EXD3: variants seen among roughly 807,000 people sequenced by gnomAD.
EXD3 encodes exonuclease mut-7 homolog.
In EXD3, 92 loss-of-function variants were observed where a neutral mutation model predicts 98.0. That is an observed-to-expected ratio of 0.94 (90% CI 0.79 to 1.12). The LOEUF (loss-of-function observed/expected upper bound fraction) is 1.12, where lower values mean the gene tolerates loss of function less well. EXD3 is among the 50% of genes most tolerant of loss of function. EXD3 has a pLI of 0.00. For missense variants in EXD3, 1,222 were observed against 1,191.6 expected, an observed-to-expected ratio of 1.03 and a Z score of -0.38; for synonymous variants, 569 against 526.0, an observed-to-expected ratio of 1.08 and a Z score of -1.12.
At chr9:137,380,938 A>G (rs576146617) in intron 3 of EXD3, among the ~76,000 whole-genome samples, 3 of 150,364 alleles carry the variant, frequency 2.0e-5, no homozygotes, top group South Asian at 2.1e-4. Context: ...TGTCTCTACT[A>G]AAAATACAAA....
chr9:137,371,772 C>G lies in EXD3; in HGVS notation c.462+1133G>C. Among the ~76,000 whole-genome samples the G allele has an allele frequency of 6.6e-6, 1 of 151,860 alleles. No individual in the cohort carries two copies. Among genetic ancestry groups the G allele is most frequent in the East Asian group, 1.9e-4 (1 of 5,154 alleles). ...CACCCCCAAGCAGGACATCCCCTGG[C>G]AGGACACCCCCGGGCTTCTTTGCCG... On this transcript the variant is annotated intron_variant, in intron 5 of 21. Transcript: ENST00000340951. This position sits in a 1 kb window ranked among gnomAD's most constrained non-coding sequence, Gnocchi z 8.0.
intron 17 of EXD3, among the ~76,000 whole-genome samples, chr9:137,338,469 A>T: frequency 6.6e-6 from 1 of 152,170 alleles, no homozygotes; most frequent in African/African-American, 2.4e-5. Context: ...AAGCAACGCC[A>T]CTTGGAAACA....
intron 2 of EXD3, among the ~76,000 whole-genome samples, chr9:137,390,607 G>A (rs897552760): frequency 6.6e-6 from 1 of 152,212 alleles, no homozygotes; most frequent in Non-Finnish European, 1.5e-5. Flanking sequence ...TAGGCAGCGT[G>A]GCCCGGTCAC....
chr9:137,418,338 G>A lies in EXD3; in HGVS notation c.-48+4776C>T, dbSNP rs550773911. On this transcript the variant is annotated intron_variant, in intron 1 of 21. Transcript: ENST00000340951. ...GCACTCCAGCCTGGGCGACAAGAGC[G>A]AGACTCTGTCTCAAAAAACAAACAA... 3.3e-5 allele frequency among the ~76,000 whole-genome samples: 5 copies of A among 152,324 alleles called. No homozygotes were observed. In the East Asian group the frequency reaches 5.8e-4, roughly 18 times the overall value.
At chr9:137,414,205 C>G (rs1838136216) in intron 1 of EXD3, among the ~76,000 whole-genome samples, 2 of 152,236 alleles carry the variant, frequency 1.3e-5, no homozygotes, top group African/African-American at 4.8e-5. Context: ...GCGTGAGCCA[C>G]CGCGCCCGGC....
rs1203135401 is a variant in EXD3, at chr9:137,360,483, T to C, written c.657-4115A>G. ...TTCTTCTTTTTTTTTTTTTTTGAGATGGAGTCTCGCTGTGTCACCCAGGCT... is the reference window on the plus strand; with the variant it reads ...TTCTTCTTTTTTTTTTTTTTTGAGACGGAGTCTCGCTGTGTCACCCAGGCT... On this transcript the variant is annotated intron_variant, in intron 7 of 21. Transcript: ENST00000340951. Among the ~76,000 whole-genome samples the C allele has an allele frequency of 8.0e-4, 54 of 67,598 alleles. 18 individuals carry two copies. The highest frequency in any genetic ancestry group is 1.6e-3 in the Non-Finnish European group (48 of 29,442). 44.3% of individuals were successfully genotyped at this position (67,598 alleles called of 152,430 possible).
Position 137,349,707 on chromosome 9 carries a change from G to C in EXD3, c.1495-176C>G, listed in dbSNP as rs1273240357. On this transcript the variant is annotated intron_variant, in intron 14 of 21. Coordinates refer to ENST00000340951, the MANE Select transcript of EXD3 (RefSeq NM_017820.5). This position sits in a 1 kb window ranked among gnomAD's most constrained non-coding sequence, Gnocchi z 7.4. ...ACACATCCGAGGAGAGGCTCCACGT[G>C]GGGGTCCCAGGCTGCAGGCACTGCA... is the stretch of plus-strand genomic sequence containing the variant. 6.6e-6 allele frequency among the ~76,000 whole-genome samples: 1 copy of C among 152,062 alleles called. No homozygotes were observed. Among genetic ancestry groups the C allele is most frequent in the East Asian group, 1.9e-4 (1 of 5,170 alleles).
intron 1 of EXD3, among the ~76,000 whole-genome samples, chr9:137,414,564 C>G (rs754923757): frequency 2.0e-5 from 3 of 152,206 alleles, no homozygotes; most frequent in Non-Finnish European, 4.4e-5. Flanking sequence ...CCATTTTACG[C>G]TAGCATCGAT....
Position 137,403,075 on chromosome 9 carries a change from C to G in EXD3, c.-47-7671G>C, listed in dbSNP as rs1359516195. Among the ~76,000 whole-genome samples the G allele has an allele frequency of 6.6e-6, 1 of 152,072 alleles. No individual in the cohort carries two copies. The highest frequency in any genetic ancestry group is 1.5e-5 in the Non-Finnish European group (1 of 68,014). On this transcript the variant is annotated intron_variant, in intron 1 of 21. Transcript: ENST00000340951. The surrounding 1 kb of genome is among the most constrained non-coding windows in gnomAD (Gnocchi z 6.1). Reference sequence around the variant, plus strand: ...GTTGAGATGTGGGTGAGGACACAGCCAAAGCATATCACCCGCCACGGGAGA... The same window carrying G: ...GTTGAGATGTGGGTGAGGACACAGCGAAAGCATATCACCCGCCACGGGAGA...
At chr9:137,309,162 G>A (rs1397334456) in intron 20 of EXD3, among the ~76,000 whole-genome samples, 2 of 152,210 alleles carry the variant, frequency 1.3e-5, no homozygotes, top group Non-Finnish European at 2.9e-5. Context: ...ACCCTCCACA[G>A]GAGGAGAAAG....
intron 9 of EXD3, 62 bp from the exon 10 acceptor site, chr9:137,354,439 G>A: frequency 6.2e-7 from 1 of 1,608,450 alleles, no homozygotes; most frequent in Non-Finnish European, 8.5e-7. Context: ...TCGGGGCCTG[G>A]TGGGAGTTTT....
intron 3 of EXD3, among the ~76,000 whole-genome samples, chr9:137,382,107 G>A (rs1836329039): frequency 7.9e-6 from 1 of 126,008 alleles, no homozygotes; most frequent in African/African-American, 3.3e-5. Flanking sequence ...GTGGAGGTCA[G>A]GGCGGCGGTG....
intron 2 of EXD3, chr9:137,392,475 G>C (rs1024454580): frequency 5.8e-6 from 1 of 173,268 alleles, no homozygotes; most frequent in Non-Finnish European, 1.3e-5. Context: ...CAGCGAGGCG[G>C]GGCCAGCACA....
At position 137,312,425 on chromosome 9, in the gene EXD3, T is replaced by A. The variant is rs907095228; in HGVS notation, c.2185-2725A>T. On this transcript the variant is annotated intron_variant, in intron 19 of 21. Transcript: ENST00000340951. ...GGTGCCAACAGCGCCGTGCCAGCCCTGACACAGGGCACTTCCGCCCGGGAC... is the reference window on the plus strand; with the variant it reads ...GGTGCCAACAGCGCCGTGCCAGCCCAGACACAGGGCACTTCCGCCCGGGAC... Among the ~76,000 whole-genome samples, 4 of 152,196 alleles carry A rather than the reference T, an allele frequency of 2.6e-5. No individual in the cohort carries two copies. In the East Asian group the frequency reaches 7.8e-4, roughly 30 times the overall value.
At chr9:137,365,987 T>A (rs1431247714) in intron 7 of EXD3, 7 of 550,698 alleles carry the variant, frequency 1.3e-5, no homozygotes, top group Non-Finnish European at 1.4e-5. Context: ...GACACACACA[T>A]GCACACCTGC....
intron 2 of EXD3, among the ~76,000 whole-genome samples, chr9:137,386,053 T>C (rs188649823): frequency 4.2e-4 from 64 of 152,088 alleles, no homozygotes; most frequent in African/African-American, 1.5e-3. Flanking sequence ...CCCAGCACTT[T>C]GGGAGGCTGA....
In EXD3 at chr9:137,347,922, G is replaced by T; in HGVS notation, c.1998+149C>A. 2 of 940,206 alleles carry T rather than the reference G, an allele frequency of 2.1e-6. No homozygotes were observed. The highest frequency in any genetic ancestry group is 3.1e-6 in the Non-Finnish European group (2 of 648,138). 58.2% of individuals were successfully genotyped at this position (940,206 alleles called of 1,614,324 possible). ...CTTGGCCCCCAACCGCTCCATCCTT[G>T]GCCACCCCGTCCTGTTCCCAGAGCC... On this transcript the variant is annotated intron_variant, in intron 17 of 21. Coordinates refer to ENST00000340951, the MANE Select transcript of EXD3 (RefSeq NM_017820.5). The surrounding 1 kb of genome is among the most constrained non-coding windows in gnomAD (Gnocchi z 4.2).
At chr9:137,372,479 T>A (rs1319357224) in intron 5 of EXD3, among the ~76,000 whole-genome samples, 2 of 152,222 alleles carry the variant, frequency 1.3e-5, no homozygotes, top group African/African-American at 4.8e-5. Flanking sequence ...CAGTGCCCAG[T>A]GCCCAGGAGG....
intron 20 of EXD3, among the ~76,000 whole-genome samples, chr9:137,309,287 C>T (rs988354364): frequency 1.3e-5 from 2 of 152,130 alleles, no homozygotes; most frequent in African/African-American, 2.4e-5. Flanking sequence ...GTGTGTGTGT[C>T]TGTGTGCACC....
Sources: allele counts gnomAD v4.1 joint callset (sites outside exome capture counted in the v4.1 genomes callset), GRCh38; gene constraint gnomAD v4.1.1; non-coding constraint Gnocchi (gnomAD v3.1); transcripts MANE v1.5; gene names NCBI Gene and HGNC (gene_info 2026-07-23, HGNC 2026-07-21).